ETV6: variants seen among roughly 807,000 people sequenced by gnomAD.
ETV6 encodes the protein transcription factor ETV6.
In ETV6, 16 loss-of-function variants were observed where a neutral mutation model predicts 51.1. The observed-to-expected ratio is 0.31, with a 90% CI of 0.21 to 0.48. The LOEUF (loss-of-function observed/expected upper bound fraction) is 0.48, where lower values mean the gene tolerates loss of function less well. Among genes scored for constraint, ETV6 ranks in the 20% least tolerant of loss-of-function variants. The pLI, the probability that ETV6 is intolerant of heterozygous loss-of-function variation, is 0.99. For missense variants in ETV6, 458 were observed against 594.8 expected, an observed-to-expected ratio of 0.77 and a Z score of 2.39; for synonymous variants, 240 against 224.1, an observed-to-expected ratio of 1.07 and a Z score of -0.64.
intron 2 of ETV6, among the ~76,000 whole-genome samples, chr12:11,760,932 GTGTATATA>G (rs56252509): frequency 0.5 from 74,771 of 150,622 alleles, 21,667 homozygotes; most frequent in Admixed American, 0.68. Context: ...ATGTGTGTGT[GTGTATATA>G]TGTATATATG....
At chr12:11,867,759 A>G (rs1395802808) in intron 4 of ETV6, among the ~76,000 whole-genome samples, 1 of 152,234 alleles carries the variant, frequency 6.6e-6, no homozygotes, top group Non-Finnish European at 1.5e-5. Context: ...ACTGTGGACA[A>G]TTCTTTGACC....
chr12:11,725,467 C>T (rs778763934), intron 1 of ETV6, among the ~76,000 whole-genome samples: 2 of 152,152 alleles, frequency 1.3e-5, no homozygotes, highest in Non-Finnish European at 2.9e-5. Context: ...ATCTCAAAGG[C>T]AATATATATT....
chr12:11,707,913 T>C (rs1197262983), intron 1 of ETV6, among the ~76,000 whole-genome samples: 2 of 152,230 alleles, frequency 1.3e-5, no homozygotes, highest in African/African-American at 2.4e-5. Flanking sequence ...CTCAACTTTG[T>C]CTCCTCCTAT....
At chr12:11,814,802 C>CA (rs1363702156) in intron 2 of ETV6, among the ~76,000 whole-genome samples, 2 of 152,232 alleles carry the variant, frequency 1.3e-5, no homozygotes, top group East Asian at 1.9e-4. Context: ...GGGGTTAAGA[C>CA]AAAAATGTAC....
intron 4 of ETV6, among the ~76,000 whole-genome samples, chr12:11,859,436 C>T (rs973647191): frequency 2.6e-5 from 4 of 152,058 alleles, no homozygotes; most frequent in East Asian, 3.9e-4. Context: ...CCACCACACC[C>T]GGCCTGAATC....
chr12:11,718,276 A>G (rs1433739674), intron 1 of ETV6, among the ~76,000 whole-genome samples: 2 of 151,890 alleles, frequency 1.3e-5, no homozygotes, highest in African/African-American at 2.4e-5. Flanking sequence ...CCAAAGCCTC[A>G]CCCCTTGCCT....
chr12:11,742,805 C>CTTTTTTT (rs751007395), intron 1 of ETV6, among the ~76,000 whole-genome samples: 1 of 78,684 alleles, frequency 1.3e-5, no homozygotes, highest in Non-Finnish European at 2.5e-5. Context: ...TTCTTTCTTT[C>CTTTTTTT]TTTTTTTTTT....
chr12:11,859,841 T>C (rs1282085606), intron 4 of ETV6, among the ~76,000 whole-genome samples: 1 of 152,228 alleles, frequency 6.6e-6, no homozygotes, highest in African/African-American at 2.4e-5. Context: ...TGACTGGGGC[T>C]ACAGTGTGTG....
intron 1 of ETV6, among the ~76,000 whole-genome samples, chr12:11,734,641 T>A (rs897280373): frequency 2.0e-5 from 3 of 152,232 alleles, no homozygotes; most frequent in African/African-American, 7.2e-5. Flanking sequence ...TTTATTAAGC[T>A]TTTTATGCTC....
At chr12:11,728,906 A>G (rs1045769168) in intron 1 of ETV6, among the ~76,000 whole-genome samples, 1 of 152,242 alleles carries the variant, frequency 6.6e-6, no homozygotes, top group Admixed American at 6.5e-5. Flanking sequence ...CCGTATACCT[A>G]CATGGTTCCA....
chr12:11,781,347 C>T (rs1176443334), intron 2 of ETV6, among the ~76,000 whole-genome samples: 2 of 152,148 alleles, frequency 1.3e-5, no homozygotes, highest in African/African-American at 4.8e-5. Flanking sequence ...TCGTCCCGTT[C>T]TTGGATGGTG....
At chr12:11,709,490 A>G (rs1011694527) in intron 1 of ETV6, among the ~76,000 whole-genome samples, 5 of 152,060 alleles carry the variant, frequency 3.3e-5, no homozygotes, top group African/African-American at 4.8e-5. Flanking sequence ...GGCCTGTACC[A>G]CTGCACCTGG....
intron 2 of ETV6, among the ~76,000 whole-genome samples, chr12:11,800,444 A>G (rs190760889): frequency 1.2e-4 from 19 of 152,200 alleles, no homozygotes; most frequent in Non-Finnish European, 1.5e-5. Flanking sequence ...CATCTTCATA[A>G]TTTTCAAACA....
intron 1 of ETV6, among the ~76,000 whole-genome samples, chr12:11,682,730 T>G (rs1864554950): frequency 6.6e-6 from 1 of 152,206 alleles, no homozygotes. Flanking sequence ...TAAAAAGTCT[T>G]TAATCCATCT....
At chr12:11,804,295 G>T (rs1259045182) in intron 2 of ETV6, among the ~76,000 whole-genome samples, 1 of 152,154 alleles carries the variant, frequency 6.6e-6, no homozygotes, top group African/African-American at 2.4e-5. Flanking sequence ...AAATCAGACT[G>T]TTACTTCCCT....
chr12:11,662,717 G>A (rs1864122255), intron 1 of ETV6, among the ~76,000 whole-genome samples: 1 of 152,202 alleles, frequency 6.6e-6, no homozygotes, highest in Non-Finnish European at 1.5e-5. Flanking sequence ...GCAGGGCTGA[G>A]TTTGGGAAAA....
At chr12:11,777,454 G>GTT (rs1344122790) in intron 2 of ETV6, among the ~76,000 whole-genome samples, 3 of 147,070 alleles carry the variant, frequency 2.0e-5, no homozygotes, top group African/African-American at 5.0e-5. Flanking sequence ...GAGTTTTTTT[G>GTT]TTTTTTTTTT....
chr12:11,669,924 C>T (rs1424930423), intron 1 of ETV6, among the ~76,000 whole-genome samples: 1 of 151,820 alleles, frequency 6.6e-6, no homozygotes, highest in Non-Finnish European at 1.5e-5. Context: ...CCTGCAGGCC[C>T]TTCTTCCCCG....
chr12:11,853,713 G>C (rs1946591593), intron 4 of ETV6, 152 bp downstream of exon 4: 2 of 885,476 alleles, frequency 2.3e-6, no homozygotes, highest in South Asian at 3.5e-5. Context: ...ATACACTCTT[G>C]GTTCCCTGAA....
Sources: gnomAD v4.1 joint callset for allele counts (sites outside exome capture counted in the v4.1 genomes callset) on GRCh38, gnomAD v4.1.1 for gene constraint, MANE v1.5 for transcripts, NCBI Gene and HGNC (gene_info 2026-07-23, HGNC 2026-07-21) for gene names.